Variants in PRICKLE2 observed in about 807,000 individuals in gnomAD.
The protein encoded by PRICKLE2 is prickle planar cell polarity protein 2.
In PRICKLE2, 21 loss-of-function variants were observed where a neutral mutation model predicts 81.4. The observed-to-expected ratio is 0.26, with a 90% CI of 0.18 to 0.37. The LOEUF (loss-of-function observed/expected upper bound fraction) is 0.37. Among genes scored for constraint, PRICKLE2 ranks in the 10% least tolerant of loss-of-function variants. PRICKLE2 has a pLI of 1.00. For missense variants in PRICKLE2, 940 were observed against 1,109.0 expected (o/e 0.85, Z 2.16); for synonymous variants, 456 against 421.5 (o/e 1.08, Z -1.00).
chr3:64,222,298 C>G (rs1283786704), intron 1 of PRICKLE2, among the ~76,000 whole-genome samples: 1 of 152,180 alleles, frequency 6.6e-6, no homozygotes, highest in African/African-American at 2.4e-5. Flanking sequence ...GTGCAAAACA[C>G]AACTCTACTA....
At chr3:64,170,074 C>T (rs573958354) in intron 2 of PRICKLE2, among the ~76,000 whole-genome samples, 38 of 152,180 alleles carry the variant, frequency 2.5e-4, no homozygotes, top group Non-Finnish European at 4.3e-4. Flanking sequence ...GAGAAAAGTG[C>T]CGTTAAGTGG....
intron 2 of PRICKLE2, among the ~76,000 whole-genome samples, chr3:64,240,762 G>A (rs575671464): frequency 6.6e-6 from 1 of 152,286 alleles, no homozygotes; most frequent in East Asian, 1.9e-4. Flanking sequence ...CAGACCTACA[G>A]AATCTGTAAC....
intron 2 of PRICKLE2, chr3:64,163,570 A>G: frequency 4.4e-6 from 1 of 227,156 alleles, no homozygotes; most frequent in Non-Finnish European, 8.9e-6. Flanking sequence ...GGCACTCGGC[A>G]AACCCCTAGG....
chr3:64,169,762 CG>C (rs1321932179), intron 2 of PRICKLE2, among the ~76,000 whole-genome samples: 1 of 152,180 alleles, frequency 6.6e-6, no homozygotes, highest in Non-Finnish European at 1.5e-5. Flanking sequence ...CTTTATTTCA[CG>C]TGCCCCCTCA....
intron 2 of PRICKLE2, among the ~76,000 whole-genome samples, chr3:64,174,178 G>A (rs2077980485): frequency 6.6e-6 from 1 of 152,160 alleles, no homozygotes; most frequent in Non-Finnish European, 1.5e-5. Context: ...AGTATCAACT[G>A]AGTTAATATT....
chr3:64,137,982 C>G (rs1258960887), intron 7 of PRICKLE2, among the ~76,000 whole-genome samples: 28 of 152,134 alleles, frequency 1.8e-4, no homozygotes. Context: ...GTTAAAATCA[C>G]CACAGGCCAC....
chr3:64,148,854 T>A (rs995252500), intron 6 of PRICKLE2, among the ~76,000 whole-genome samples: 3 of 152,204 alleles, frequency 2.0e-5, no homozygotes, highest in African/African-American at 7.2e-5. Context: ...TTCAGAACTG[T>A]CAGCAATACA....
chr3:64,124,589 C>A (rs2077079313), intron 7 of PRICKLE2, among the ~76,000 whole-genome samples: 1 of 150,112 alleles, frequency 6.7e-6, no homozygotes, highest in Non-Finnish European at 1.5e-5. Flanking sequence ...GAAGCTAATG[C>A]TCATTGACCA....
intron 2 of PRICKLE2, among the ~76,000 whole-genome samples, chr3:64,185,020 G>C (rs941405663): frequency 2.0e-5 from 3 of 152,120 alleles, no homozygotes; most frequent in African/African-American, 4.8e-5. Flanking sequence ...TATGATTCTT[G>C]CAATAACTTA....
At chr3:64,265,351 G>C (rs376892334) in intron 2 of PRICKLE2, among the ~76,000 whole-genome samples, 8 of 152,240 alleles carry the variant, frequency 5.3e-5, no homozygotes, top group African/African-American at 1.9e-4. Context: ...TTACCATTCT[G>C]TGTTTTAGTA....
At chr3:64,227,296 C>T (rs189967238), upstream of PRICKLE2, among the ~76,000 whole-genome samples, 2 of 152,044 alleles carry the variant, frequency 1.3e-5, no homozygotes, top group East Asian at 3.9e-4. Context: ...CAATATCCTT[C>T]AAAAAGTCAA....
At chr3:64,208,790 T>C (rs898155021) in intron 1 of PRICKLE2, among the ~76,000 whole-genome samples, 1 of 152,266 alleles carries the variant, frequency 6.6e-6, no homozygotes, top group African/African-American at 2.4e-5. Flanking sequence ...AACTCATAAG[T>C]GACTTGACTG....
In PRICKLE2 at chr3:64,160,113, C is replaced by A. The variant is rs547881856; in HGVS notation, c.259-36G>T. On this transcript the variant is annotated intron_variant, in intron 3 of 7. Transcript: ENST00000638394. ...ACAGACAATGGCATGGAAAAAGTCACCCTTGCTCCTTAAGATTTCTGAAGC... is the reference window on the plus strand; with the variant it reads ...ACAGACAATGGCATGGAAAAAGTCAACCTTGCTCCTTAAGATTTCTGAAGC... The A allele has an allele frequency of 7.5e-6, 12 of 1,609,638 alleles. No individual in the cohort carries two copies. The South Asian group carries it at 1.3e-4, about 18-fold the overall frequency.
intron 1 of PRICKLE2, among the ~76,000 whole-genome samples, chr3:64,213,837 C>G (rs2078830867): frequency 6.6e-6 from 1 of 152,090 alleles, no homozygotes; most frequent in Non-Finnish European, 1.5e-5. Flanking sequence ...ACAACCAAGG[C>G]TCAACGAGTT....
rs988738879 is a variant in PRICKLE2, at chr3:64,094,990, T to A, written c.*4061A>T. On this transcript the variant is annotated 3_prime_UTR_variant, in exon 8 of 8. Coordinates refer to ENST00000638394, the MANE Select transcript of PRICKLE2 (RefSeq NM_198859.4). Reference sequence around the variant, plus strand: ...TTCAGTTTTCCACTTTCCTTTGTCATGGACGGATCTTCCTTCTTAGGCTTA... The same window carrying A: ...TTCAGTTTTCCACTTTCCTTTGTCAAGGACGGATCTTCCTTCTTAGGCTTA... 6.6e-6 allele frequency: 1 copy of A among 152,668 alleles called. No homozygotes were observed. The highest frequency in any genetic ancestry group is 2.4e-5 in the African/African-American group (1 of 41,464). The allele number at this position is 152,668 out of a possible 1,614,324, so 9.5% of individuals were successfully genotyped here. A position where few individuals can be genotyped will look rare whatever the true frequency, so the allele number is the denominator to read the frequency against.
intron 1 of PRICKLE2, among the ~76,000 whole-genome samples, chr3:64,210,050 C>T (rs997941006): frequency 6.6e-6 from 1 of 152,156 alleles, no homozygotes; most frequent in Admixed American, 6.5e-5. Flanking sequence ...CCCTCCTCCT[C>T]CACCACTGTC....
At chr3:64,149,969 C>CTTTTTTT (rs34841544) in intron 6 of PRICKLE2, among the ~76,000 whole-genome samples, 6 of 109,736 alleles carry the variant, frequency 5.5e-5, no homozygotes, top group South Asian at 3.4e-4. Flanking sequence ...TCAACTCCAT[C>CTTTTTTT]TTTTTTTTTT....
At chr3:64,211,367 C>T (rs2078783062) in intron 1 of PRICKLE2, among the ~76,000 whole-genome samples, 1 of 152,214 alleles carries the variant, frequency 6.6e-6, no homozygotes, top group South Asian at 2.1e-4. Context: ...CTATCTGACA[C>T]AATGATACAG....
chr3:64,119,465 G>A (rs1326303060), intron 7 of PRICKLE2, among the ~76,000 whole-genome samples: 2 of 152,126 alleles, frequency 1.3e-5, no homozygotes, highest in Non-Finnish European at 2.9e-5. Context: ...AATTCTCAAC[G>A]TCACTAATCA....
Sources: allele counts gnomAD v4.1 joint callset (sites outside exome capture counted in the v4.1 genomes callset), GRCh38; gene constraint gnomAD v4.1.1; transcripts MANE v1.5; gene names NCBI Gene and HGNC (gene_info 2026-07-23, HGNC 2026-07-21).